Variants in GLCCI1 observed in about 807,000 individuals in gnomAD.
GLCCI1 encodes glucocorticoid-induced transcript 1 protein.
Under a neutral mutation model 52.2 loss-of-function variants are expected in GLCCI1, and 24 were observed. The observed-to-expected ratio is 0.46, with a 90% confidence interval of 0.33 to 0.65. GLCCI1 has a LOEUF of 0.65. Among genes scored for constraint, GLCCI1 ranks in the 30% least tolerant of loss-of-function variants. The pLI, the probability that GLCCI1 is intolerant of heterozygous loss-of-function variation, is 0.02. For missense variants in GLCCI1, 704 were observed against 701.5 expected, an observed-to-expected ratio of 1.00 and a Z score of -0.04; for synonymous variants, 310 against 276.5, an observed-to-expected ratio of 1.12 and a Z score of -1.20.
At chr7:8,045,955 C>A (rs1245328805) in intron 3 of GLCCI1, among the ~76,000 whole-genome samples, 6 of 121,730 alleles carry the variant, frequency 4.9e-5, no homozygotes, top group African/African-American at 3.0e-5. Flanking sequence ...GAGTAAGAAC[C>A]ACAATTCCAA....
At chr7:8,017,089 T>A (rs77673077) in intron 2 of GLCCI1, among the ~76,000 whole-genome samples, 23 of 152,296 alleles carry the variant, frequency 1.5e-4, no homozygotes, top group African/African-American at 5.3e-4. Flanking sequence ...GTACTTCAAA[T>A]CTATAGGTTC....
intron 4 of GLCCI1, chr7:8,055,898 C>T (rs1272176393): frequency 6.0e-6 from 1 of 165,958 alleles, no homozygotes; most frequent in East Asian, 1.8e-4. Context: ...GAGGCTGAGG[C>T]AGCAGAATGG....
At chr7:7,981,790 C>A in intron 1 of GLCCI1, 1 of 401,534 alleles carries the variant, frequency 2.5e-6, no homozygotes, top group Non-Finnish European at 4.9e-6. Context: ...ACAGGATAAA[C>A]CATCTAATTT....
chr7:7,976,518 A>AAAAAAAAAAAAAAAAAAAAAAAAAAAAG (rs1562413261), intron 1 of GLCCI1, among the ~76,000 whole-genome samples: 1 of 140,894 alleles, frequency 7.1e-6, no homozygotes, highest in African/African-American at 2.8e-5. Flanking sequence ...AAAGGAAAGG[A>AAAAAAAAAAAAAAAAAAAAAAAAAAAAG]GAAAGGAAAA....
chr7:8,011,341 C>T (rs1327188325), intron 2 of GLCCI1, among the ~76,000 whole-genome samples: 1 of 152,056 alleles, frequency 6.6e-6, no homozygotes, highest in Admixed American at 6.6e-5. Flanking sequence ...AGCCATCATT[C>T]TATTTTCTGT....
At chr7:7,974,126 A>G (rs1050213944) in intron 1 of GLCCI1, among the ~76,000 whole-genome samples, 1 of 152,126 alleles carries the variant, frequency 6.6e-6, no homozygotes, top group Admixed American at 6.5e-5. Flanking sequence ...AAAGGTTTTC[A>G]TTCTCAGAAA....
intron 3 of GLCCI1, among the ~76,000 whole-genome samples, chr7:8,028,589 A>G (rs1781678863): frequency 1.3e-5 from 2 of 152,162 alleles, no homozygotes; most frequent in Admixed American, 1.3e-4. Context: ...GAAAATTAGT[A>G]TAAGAAAAGA....
chr7:8,014,212 A>G (rs1358614557), intron 2 of GLCCI1, among the ~76,000 whole-genome samples: 1 of 152,140 alleles, frequency 6.6e-6, no homozygotes, highest in African/African-American at 2.4e-5. Flanking sequence ...GCTGGTCTCA[A>G]ATTCCTCAGG....
intron 5 of GLCCI1, among the ~76,000 whole-genome samples, chr7:8,065,431 C>G (rs1219944571): frequency 6.6e-6 from 1 of 152,070 alleles, no homozygotes; most frequent in Admixed American, 6.6e-5. Flanking sequence ...GCCAGGACTT[C>G]CAGTACTATG....
intron 3 of GLCCI1, among the ~76,000 whole-genome samples, chr7:8,036,444 A>T (rs1240690103): frequency 2.0e-5 from 3 of 152,228 alleles, no homozygotes; most frequent in Non-Finnish European, 4.4e-5. Context: ...ATAAGAAGAG[A>T]GAGTTTATCC....
At chr7:8,020,374 T>G (rs546998039) in intron 2 of GLCCI1, among the ~76,000 whole-genome samples, 28 of 152,230 alleles carry the variant, frequency 1.8e-4, no homozygotes, top group Non-Finnish European at 3.5e-4. Context: ...TACTACTAAC[T>G]TGATTTCTTT....
intron 6 of GLCCI1, among the ~76,000 whole-genome samples, chr7:8,076,982 T>C (rs1029810224): frequency 6.6e-6 from 1 of 152,154 alleles, no homozygotes; most frequent in Non-Finnish European, 1.5e-5. Context: ...ATACTCTTCA[T>C]AAAAATAAAA....
intron 3 of GLCCI1, among the ~76,000 whole-genome samples, chr7:8,025,374 A>G (rs1271870430): frequency 6.6e-6 from 1 of 152,190 alleles, no homozygotes; most frequent in Non-Finnish European, 1.5e-5. Flanking sequence ...AATTTTCACA[A>G]AGAGTTAGTC....
chr7:8,016,342 G>A (rs1257650028), intron 2 of GLCCI1, among the ~76,000 whole-genome samples: 10 of 151,960 alleles, frequency 6.6e-5, no homozygotes, highest in African/African-American at 9.7e-5. Flanking sequence ...GGTGGTGGGC[G>A]CCTGTAGTCC....
intron 3 of GLCCI1, among the ~76,000 whole-genome samples, chr7:8,043,424 T>C (rs977750245): frequency 6.6e-6 from 1 of 152,092 alleles, no homozygotes; most frequent in South Asian, 2.1e-4. Context: ...AGGCTAGATA[T>C]GGCCAGCAGA....
chr7:8,013,174 C>T (rs1033479185), intron 2 of GLCCI1, among the ~76,000 whole-genome samples: 1 of 152,132 alleles, frequency 6.6e-6, no homozygotes, highest in African/African-American at 2.4e-5. Context: ...AGATTTTTTC[C>T]ACTCCAAGTT....
chr7:8,036,843 C>T (rs142202534), intron 3 of GLCCI1, among the ~76,000 whole-genome samples: 1 of 151,818 alleles, frequency 6.6e-6, no homozygotes, highest in Admixed American at 6.6e-5. Context: ...GTTAATCCAG[C>T]TAGAAAAAGA....
At chr7:7,970,054 T>C (rs1780310093) in intron 1 of GLCCI1, among the ~76,000 whole-genome samples, 1 of 152,168 alleles carries the variant, frequency 6.6e-6, no homozygotes, top group Admixed American at 6.5e-5. Context: ...CGAGAGGTTT[T>C]TCAGTTTAAG....
intron 2 of GLCCI1, among the ~76,000 whole-genome samples, chr7:8,009,871 T>A (rs1781229167): frequency 6.6e-6 from 1 of 151,746 alleles, no homozygotes; most frequent in South Asian, 2.1e-4. Flanking sequence ...TTCAAAAGAT[T>A]CAGTGTGGAC....
Sources: allele counts gnomAD v4.1 joint callset (sites outside exome capture counted in the v4.1 genomes callset), GRCh38; gene constraint gnomAD v4.1.1; transcripts MANE v1.5; gene names NCBI Gene and HGNC (gene_info 2026-07-23, HGNC 2026-07-21).